The following GLRB variants were observed in gnomAD, a reference collection of about 807,000 sequenced individuals.
GLRB encodes the protein glycine receptor subunit beta.
Under a neutral mutation model 54.2 loss-of-function variants are expected in GLRB, and 33 were observed. The observed-to-expected ratio is 0.61, with a 90% CI of 0.46 to 0.81. The LOEUF is 0.81. GLRB is among the 40% of genes least tolerant of loss of function. The pLI is 0.00. For missense variants in GLRB, 572 were observed against 584.6 expected (o/e 0.98, Z 0.22); for synonymous variants, 209 against 208.2 (o/e 1.00, Z -0.03).
At chr4:157,149,045 A>G (rs1736921455) in intron 8 of GLRB, among the ~76,000 whole-genome samples, 1 of 152,106 alleles carries the variant, frequency 6.6e-6, no homozygotes, top group Non-Finnish European at 1.5e-5. Context: ...CAGGATATCC[A>G]GTTAATATAG....
Position 157,122,363 on chromosome 4 carries a change from T to G in GLRB, c.263T>G (p.Ile88Ser), listed in dbSNP as rs1264173112. 2.3e-6 allele frequency: 3 copies of G among 1,312,854 alleles called. No homozygotes were observed. Among genetic ancestry groups the G allele is most frequent in the Non-Finnish European group, 1.1e-6 (1 of 917,344 alleles). The allele number at this position is 1,312,854 out of a possible 1,614,324, so 81.3% of individuals were successfully genotyped here. ...IPVDVVVNIFINSFGSIQETT... is the reference protein window; with the variant it reads ...IPVDVVVNIFSNSFGSIQETT... The stretch of plus-strand genomic sequence containing the variant: ...GTTGATGTAGTAGTCAACATTTTTA[T>G]TAACAGTTTTGGATCCATTCAAGAA... Residue 88 changes from isoleucine to serine, a missense_variant, in exon 4 of 10, where the codon ATT becomes AGT. Coordinates refer to ENST00000264428, the MANE Select transcript of GLRB (RefSeq NM_000824.5).
intron 9 of GLRB, among the ~76,000 whole-genome samples, chr4:157,164,550 C>G (rs1402749927): frequency 6.6e-6 from 1 of 152,122 alleles, no homozygotes; most frequent in Non-Finnish European, 1.5e-5. Flanking sequence ...TCCCTACGAT[C>G]AGCTCCATTG....
At chr4:157,106,726 A>G (rs1397310358) in intron 2 of GLRB, among the ~76,000 whole-genome samples, 1 of 152,030 alleles carries the variant, frequency 6.6e-6, no homozygotes, top group Admixed American at 6.6e-5. Flanking sequence ...GAATTACACC[A>G]TCACCTTCCC....
intron 2 of GLRB, among the ~76,000 whole-genome samples, chr4:157,103,085 G>A (rs1735094076): frequency 6.6e-6 from 1 of 151,778 alleles, no homozygotes; most frequent in Admixed American, 6.6e-5. Flanking sequence ...CGGGAGGCAA[G>A]GTTGTGGTAA....
intron 2 of GLRB, among the ~76,000 whole-genome samples, chr4:157,102,432 T>A (rs1365264442): frequency 6.6e-6 from 1 of 152,168 alleles, no homozygotes; most frequent in Non-Finnish European, 1.5e-5. Context: ...TAGAATCATA[T>A]GGTATTTGTC....
chr4:157,159,480 A>G (rs1166927341), intron 9 of GLRB, among the ~76,000 whole-genome samples: 1 of 152,126 alleles, frequency 6.6e-6, no homozygotes, highest in Admixed American at 6.6e-5. Flanking sequence ...TGTCATAAAT[A>G]GCTCTTATTA....
At chr4:157,083,023 G>A (rs1026298038) in intron 2 of GLRB, among the ~76,000 whole-genome samples, 1 of 148,410 alleles carries the variant, frequency 6.7e-6, no homozygotes, top group Non-Finnish European at 1.5e-5. Flanking sequence ...TTTTAAGAAA[G>A]ACATTCTTAA....
At chr4:157,102,815 C>A in intron 2 of GLRB, among the ~76,000 whole-genome samples, 1 of 152,252 alleles carries the variant, frequency 6.6e-6, no homozygotes, top group East Asian at 1.9e-4. Flanking sequence ...ATCCCATGTT[C>A]ACCTTGGGGC....
Position 157,122,752 on chromosome 4 carries a change from T to G in GLRB, c.297+355T>G, listed in dbSNP as rs1735879314. Among the ~76,000 whole-genome samples the G allele has an allele frequency of 2.0e-5, 3 of 151,828 alleles. No homozygotes were observed. In the South Asian group the frequency reaches 6.2e-4, roughly 31 times the overall value. ...ATATGTTGGAACATTCAAAATGTTT[T>G]AAGTATTCAAGTTTTTTTCTTCCAA... On this transcript the variant is annotated intron_variant, in intron 4 of 9. Coordinates refer to ENST00000264428, the MANE Select transcript of GLRB (RefSeq NM_000824.5).
intron 2 of GLRB, among the ~76,000 whole-genome samples, chr4:157,081,257 G>C (rs1460172805): frequency 6.6e-6 from 1 of 151,774 alleles, no homozygotes; most frequent in Non-Finnish European, 1.5e-5. Flanking sequence ...TTAATCTTTT[G>C]GTCTTTCCTC....
At chr4:157,100,768 A>G (rs981827623) in intron 2 of GLRB, among the ~76,000 whole-genome samples, 1 of 152,192 alleles carries the variant, frequency 6.6e-6, no homozygotes, top group African/African-American at 2.4e-5. Flanking sequence ...TCACCTTTTC[A>G]TAAATGTGGC....
chr4:157,143,820 C>G lies in GLRB; in HGVS notation c.765C>G (p.Cys255Trp). Reference sequence around the variant, plus strand: ...TGCTTCTGAAAGGCTACTACACATGCGTGGAAGTCATCTTCACCCTGAGGA... The same window carrying G: ...TGCTTCTGAAAGGCTACTACACATGGGTGGAAGTCATCTTCACCCTGAGGA... ...KYYKGTGYYT[C>W]VEVIFTLRRQ... Residue 255 changes from cysteine to tryptophan, a missense_variant, in exon 8 of 10, where the codon TGC (cysteine) becomes TGG (tryptophan). By Grantham distance (215) the Cys-to-Trp change is radical. Coordinates refer to ENST00000264428, the MANE Select transcript of GLRB (RefSeq NM_000824.5). 6.2e-7 allele frequency: 1 copy of G among 1,613,214 alleles called. No homozygotes were observed. Among genetic ancestry groups the G allele is most frequent in the South Asian group, 1.1e-5 (1 of 91,008 alleles).
intron 2 of GLRB, among the ~76,000 whole-genome samples, chr4:157,091,144 A>G (rs1734594840): frequency 6.6e-6 from 1 of 152,170 alleles, no homozygotes; most frequent in African/African-American, 2.4e-5. Context: ...CTCTACATAT[A>G]ACTACACTTG....
intron 2 of GLRB, among the ~76,000 whole-genome samples, chr4:157,098,901 C>G (rs1245190721): frequency 6.6e-6 from 1 of 152,100 alleles, no homozygotes; most frequent in Non-Finnish European, 1.5e-5. Flanking sequence ...AGCTACCGTG[C>G]CTGGCTGAAA....
chr4:157,136,830 T>G lies in GLRB; in HGVS notation c.554T>G (p.Leu185Trp). The G allele has an allele frequency of 1.2e-6, 2 of 1,610,762 alleles. No individual in the cohort carries two copies. The highest frequency in any genetic ancestry group is 1.7e-6 in the Non-Finnish European group (2 of 1,176,942). The part of the protein sequence containing the change: ...MRLSITLSCP[L>W]DLTLFPMDTQ... ...TTATCTATTACTCTTTCATGCCCTTTGGACTTGACATTGTTTCCCATGGAT... is the reference window on the plus strand; with the variant it reads ...TTATCTATTACTCTTTCATGCCCTTGGGACTTGACATTGTTTCCCATGGAT... Residue 185 changes from leucine to tryptophan, a missense_variant, in exon 6 of 10, where the codon TTG becomes TGG. Leu to Trp is a moderately conservative substitution (Grantham distance 61). Coordinates refer to ENST00000264428, the MANE Select transcript of GLRB (RefSeq NM_000824.5).
intron 9 of GLRB, among the ~76,000 whole-genome samples, chr4:157,153,542 C>T (rs1579245090): frequency 6.6e-6 from 1 of 152,138 alleles, no homozygotes; most frequent in Non-Finnish European, 1.5e-5. Flanking sequence ...GAAACGATGC[C>T]TGCAGTTAGG....
At chr4:157,079,902 T>G (rs897116320) in intron 2 of GLRB, among the ~76,000 whole-genome samples, 10 of 152,166 alleles carry the variant, frequency 6.6e-5, no homozygotes, top group African/African-American at 2.4e-4. Context: ...TCACCGTAAT[T>G]CTATGTATGG....
intron 2 of GLRB, among the ~76,000 whole-genome samples, chr4:157,119,248 T>C (rs902138133): frequency 4.0e-5 from 6 of 151,610 alleles, no homozygotes; most frequent in African/African-American, 1.5e-4. Context: ...GTGAAAAGTA[T>C]TTTACCAATT....
intron 2 of GLRB, among the ~76,000 whole-genome samples, chr4:157,103,750 C>G (rs1158264640): frequency 6.6e-6 from 1 of 151,864 alleles, no homozygotes; most frequent in Non-Finnish European, 1.5e-5. Context: ...GTGGACAAGT[C>G]TTTGATTACC....
Sources: allele counts gnomAD v4.1 joint callset (sites outside exome capture counted in the v4.1 genomes callset), GRCh38; gene constraint gnomAD v4.1.1; transcripts MANE v1.5; gene names NCBI Gene and HGNC (gene_info 2026-07-23, HGNC 2026-07-21).